CECR2: variants seen among roughly 807,000 people sequenced by gnomAD.
CECR2 encodes CECR2 histone acetyl-lysine reader.
CECR2 carries 30 observed loss-of-function variants against 154.5 expected under a neutral mutation model. The observed-to-expected ratio is 0.19, with a 90% CI of 0.15 to 0.26. The LOEUF (loss-of-function observed/expected upper bound fraction) is 0.26, where lower values mean the gene tolerates loss of function less well. CECR2 is among the 10% of genes least tolerant of loss of function. The probability of loss-of-function intolerance (pLI) is 1.00; values close to 1 mark genes in which losing one functional copy is unlikely to be tolerated. For missense variants in CECR2, 1,743 were observed against 1,829.3 expected (o/e 0.95, Z 0.86); for synonymous variants, 725 against 683.7 (o/e 1.06, Z -0.94).
intron 1 of CECR2, among the ~76,000 whole-genome samples, chr22:17,405,960 C>T (rs2053978110): frequency 6.6e-6 from 1 of 152,114 alleles, no homozygotes; most frequent in South Asian, 2.1e-4. Context: ...CAGGTCTTCC[C>T]CTTTTCCCTT....
chr22:17,380,740 A>G (rs16982341), intron 1 of CECR2, among the ~76,000 whole-genome samples: 10,253 of 152,288 alleles, frequency 0.067, 381 homozygotes, highest in Non-Finnish European at 0.078. Context: ...TGAACTTTAA[A>G]TCACACCCAA....
chr22:17,447,344 G>A (rs1196497727), intron 1 of CECR2, among the ~76,000 whole-genome samples: 2 of 152,018 alleles, frequency 1.3e-5, no homozygotes, highest in African/African-American at 2.4e-5. Context: ...TAGTAGACAC[G>A]GGGTTTCATC....
chr22:17,539,254 ACCATT>A, intron 13 of CECR2, 135 bp downstream of exon 13: 1 of 957,764 alleles, frequency 1.0e-6, no homozygotes, highest in Non-Finnish European at 1.5e-6. Context: ...CATGGGATTG[ACCATT>A]CCAGCCACTT....
intron 1 of CECR2, among the ~76,000 whole-genome samples, chr22:17,395,993 A>C (rs531697322): frequency 6.6e-6 from 1 of 152,046 alleles, no homozygotes; most frequent in Non-Finnish European, 1.5e-5. Flanking sequence ...TAATCCCAGC[A>C]CTTTGGGAGG....
chr22:17,550,132 C>CTTTATTTATTTATTTA (rs368804976), intron 17 of CECR2: 2 of 150,222 alleles, frequency 1.3e-5, no homozygotes, highest in African/African-American at 4.9e-5. Context: ...ATATTGTAAA[C>CTTTATTTATTTATTTA]TTTATTTATT....
At chr22:17,453,336 G>A (rs2054801635) in intron 1 of CECR2, among the ~76,000 whole-genome samples, 2 of 152,148 alleles carry the variant, frequency 1.3e-5, no homozygotes, top group Non-Finnish European at 2.9e-5. Flanking sequence ...CAGCTACTCG[G>A]GAAGCTGAGG....
In CECR2 at chr22:17,549,257, C is replaced by T. The variant is rs1176589220; in HGVS notation, c.3970C>T (p.Pro1324Ser). 6.2e-7 allele frequency: 1 copy of T among 1,614,016 alleles called. No homozygotes were observed. The highest frequency in any genetic ancestry group is 8.5e-7 in the Non-Finnish European group (1 of 1,179,906). ...CGAGTATCTCTATGGAACTCCTCCG[C>T]CTCTGAGTTCAGGAATGGGATTTGG... is the stretch of plus-strand genomic sequence containing the variant. The part of the protein sequence containing the change: ...ASEYLYGTPP[P>S]LSSGMGFGSS... The change falls in exon 17 of 19, where the codon CCT becomes TCT. Residue 1324 changes from proline to serine, a missense_variant. Coordinates refer to ENST00000262608, the MANE Select transcript of CECR2 (RefSeq NM_001290047.2).
chr22:17,458,535 A>G lies in CECR2; in HGVS notation c.127-19053A>G, dbSNP rs183189389. Among the ~76,000 whole-genome samples the G allele has an allele frequency of 4.0e-5, 6 of 151,184 alleles. No homozygotes were observed. The East Asian group carries it at 1.2e-3, about 29-fold the overall frequency. On this transcript the variant is annotated intron_variant, in intron 1 of 18. Coordinates refer to ENST00000262608, the MANE Select transcript of CECR2 (RefSeq NM_001290047.2). Reference sequence around the variant, plus strand: ...GAGTTTTTTTTTTCTTTTTAATATTATAGTTATGTAAGATGTTACCATTGG... The same window carrying G: ...GAGTTTTTTTTTTCTTTTTAATATTGTAGTTATGTAAGATGTTACCATTGG...
chr22:17,379,582 G>GT (rs1491453360), intron 1 of CECR2, among the ~76,000 whole-genome samples: 6 of 19,872 alleles, frequency 3.0e-4, no homozygotes, highest in East Asian at 1.1e-3. Flanking sequence ...TACGTTGAAG[G>GT]TGTGTGTGTG....
chr22:17,393,888 A>ATTTTT, intron 1 of CECR2, among the ~76,000 whole-genome samples: 1 of 134,044 alleles, frequency 7.5e-6, no homozygotes, highest in Admixed American at 7.7e-5. Flanking sequence ...TTTTTTATTC[A>ATTTTT]TTTTTTTTTT....
intron 4 of CECR2, 77 bp downstream of exon 4, chr22:17,499,626 G>T: frequency 1.4e-6 from 2 of 1,416,628 alleles, no homozygotes; most frequent in Non-Finnish European, 1.9e-6. Context: ...GAATTCTACA[G>T]CACAATTTTT....
chr22:17,460,334 C>T (rs1194721628), intron 1 of CECR2, among the ~76,000 whole-genome samples: 1 of 152,146 alleles, frequency 6.6e-6, no homozygotes, highest in Non-Finnish European at 1.5e-5. Context: ...CTCAGCCTCC[C>T]GACTAGCTGG....
intron 1 of CECR2, among the ~76,000 whole-genome samples, chr22:17,405,193 T>C (rs917504945): frequency 1.3e-5 from 2 of 152,254 alleles, no homozygotes; most frequent in Admixed American, 1.3e-4. Flanking sequence ...GCGGATCACC[T>C]GAGGTCAGGA....
At chr22:17,391,834 C>T (rs570071170) in intron 1 of CECR2, among the ~76,000 whole-genome samples, 1 of 152,292 alleles carries the variant, frequency 6.6e-6, no homozygotes, top group South Asian at 2.1e-4. Context: ...GACGGAGTCT[C>T]ACACTCTTAC....
At chr22:17,385,662 A>G (rs1387332708) in intron 1 of CECR2, among the ~76,000 whole-genome samples, 1 of 152,238 alleles carries the variant, frequency 6.6e-6, no homozygotes, top group African/African-American at 2.4e-5. Flanking sequence ...AATTACCAAA[A>G]TGCAACACAG....
rs549325592 is a variant in CECR2, at chr22:17,451,844, T to A, written c.127-25744T>A. On this transcript the variant is annotated intron_variant, in intron 1 of 18. Transcript: ENST00000262608. ...TGAACTCCATGGCATTCCATAGCTA[T>A]TTTTTACTTCAAAGAAAAAGAGTAA... 5.3e-5 allele frequency among the ~76,000 whole-genome samples: 8 copies of A among 152,326 alleles called. No homozygotes were observed. The South Asian group carries it at 1.0e-3, about 20-fold the overall frequency.
intron 1 of CECR2, among the ~76,000 whole-genome samples, chr22:17,386,816 A>C (rs1256810200): frequency 6.6e-6 from 1 of 152,002 alleles, no homozygotes; most frequent in African/African-American, 2.4e-5. Flanking sequence ...ACGCCCAGCT[A>C]ATTTTTGTAA....
chr22:17,543,028 T>A lies in CECR2; in HGVS notation c.2860+25T>A, dbSNP rs1325074308. On this transcript the variant is annotated intron_variant, in intron 16 of 18. Coordinates refer to ENST00000262608, the MANE Select transcript of CECR2 (RefSeq NM_001290047.2). ...GGTAATTTACACTGTCACTTTGGGC[T>A]CTTTAAGCTCTTGTTTCATGAGTAA... The A allele has an allele frequency of 2.6e-6, 4 of 1,562,632 alleles. No homozygotes were observed. The Admixed American group carries it at 7.5e-5, about 29-fold the overall frequency.
chr22:17,494,691 T>G (rs759294768), intron 2 of CECR2, among the ~76,000 whole-genome samples: 5 of 152,122 alleles, frequency 3.3e-5, no homozygotes, highest in African/African-American at 4.8e-5. Context: ...GCAAACTGTT[T>G]AAGTGTTTTT....
Sources: gnomAD v4.1 joint callset for allele counts (sites outside exome capture counted in the v4.1 genomes callset) on GRCh38, gnomAD v4.1.1 for gene constraint, MANE v1.5 for transcripts, NCBI Gene and HGNC (gene_info 2026-07-23, HGNC 2026-07-21) for gene names.